The following SETD1A variants were observed in gnomAD, a reference collection of about 807,000 sequenced individuals.
The protein encoded by SETD1A is histone-lysine N-methyltransferase SETD1A.
SETD1A carries 29 observed loss-of-function variants against 149.9 expected under a neutral mutation model. That is an observed-to-expected ratio of 0.19 (90% confidence interval 0.14 to 0.26). The LOEUF (loss-of-function observed/expected upper bound fraction) is 0.26. Ranked by LOEUF, SETD1A falls within the 10% of genes least tolerant of loss-of-function variation. The pLI is 1.00. For synonymous variants in SETD1A, 1,141 were observed against 968.5 expected (o/e 1.18, Z -3.31); for missense variants, 2,109 against 2,353.1 (o/e 0.90, Z 2.15).
At chr16:30,973,104 C>CA (rs2056244653) in intron 13 of SETD1A, among the ~76,000 whole-genome samples, 2 of 152,088 alleles carry the variant, frequency 1.3e-5, no homozygotes, top group Admixed American at 1.3e-4. Flanking sequence ...GGGTTGAGCA[C>CA]AAGGGGGCAC....
intron 17 of SETD1A, among the ~76,000 whole-genome samples, 181 bp downstream of exon 17, chr16:30,981,361 C>T (rs1488371590): frequency 2.0e-5 from 3 of 152,198 alleles, no homozygotes; most frequent in African/African-American, 7.2e-5. Flanking sequence ...GGAGGCATGG[C>T]TGATGGCACT....
At chr16:30,971,801 A>T (rs766929423) in intron 13 of SETD1A, 82 bp downstream of exon 13, 151 of 1,456,074 alleles carry the variant, frequency 1.0e-4, no homozygotes, top group Non-Finnish European at 1.3e-4. Flanking sequence ...TTTATTGTGT[A>T]CAAGTGTGTG....
At chr16:30,968,945 A>C (rs558854447) in intron 10 of SETD1A, among the ~76,000 whole-genome samples, 2 of 152,146 alleles carry the variant, frequency 1.3e-5, no homozygotes, top group East Asian at 1.9e-4. Context: ...TCTCTACAAA[A>C]ATTTTTAAAA....
At chr16:30,973,844 C>T (rs1456447117) in intron 13 of SETD1A, among the ~76,000 whole-genome samples, 1 of 152,130 alleles carries the variant, frequency 6.6e-6, no homozygotes, top group East Asian at 1.9e-4. Context: ...ACTCTCCAAC[C>T]TCTTCTGGGC....
At position 30,983,972 on chromosome 16, in the gene SETD1A, C is replaced by G. The variant is rs749829442; in HGVS notation, c.5073C>G (p.Asn1691Lys). ...ACTACAAGTTCCCACTGGAAGACAA[C>G]AAGATCCCGTGTCTGTGTGGCACAG... ...TYDYKFPLED[N>K]KIPCLCGTES... The change falls in exon 19 of 19, where the codon AAC (asparagine) becomes AAG (lysine). Residue 1691 changes from asparagine (N) to lysine (K), a missense_variant. This residue lies in a region of SETD1A where 254 missense variants were observed against 409.3 expected (regional missense o/e 0.62). Transcript: ENST00000262519. The surrounding 1 kb of genome is among the most constrained non-coding windows in gnomAD (Gnocchi z 6.8). The G allele has an allele frequency of 2.2e-5, 35 of 1,614,026 alleles. No individual in the cohort carries two copies. Among genetic ancestry groups the G allele is most frequent in the African/African-American group, 2.7e-5 (2 of 74,938 alleles).
At chr16:30,978,879 T>C (rs1029498875) in intron 13 of SETD1A, among the ~76,000 whole-genome samples, 1 of 152,194 alleles carries the variant, frequency 6.6e-6, no homozygotes, top group Non-Finnish European at 1.5e-5. Flanking sequence ...TGTTGGACTG[T>C]GGCTCCGGGA....
intron 3 of SETD1A, among the ~76,000 whole-genome samples, chr16:30,960,311 A>G (rs2056032143): frequency 6.6e-6 from 1 of 152,156 alleles, no homozygotes; most frequent in South Asian, 2.1e-4. Flanking sequence ...CTCCGCCTTG[A>G]CACCACACCC....
chr16:30,982,858 C>T (rs746027681), intron 17 of SETD1A, among the ~76,000 whole-genome samples: 1 of 152,108 alleles, frequency 6.6e-6, no homozygotes, highest in South Asian at 2.1e-4. Flanking sequence ...GGGAGGCCCT[C>T]TCTCGGTGCT....
In SETD1A at chr16:30,979,899, A is replaced by AGAG. The variant is rs763341074; in HGVS notation, c.4123_4125dup (p.Glu1375dup). Reference sequence around the variant, plus strand: ...AGGAGGGGGAGGAAGAGGGGGAGGAAGAGGAGGAGGAGTCCTCTGACAGCA... The same window carrying AGAG: ...AGGAGGGGGAGGAAGAGGGGGAGGAAGAGGAGGAGGAGGAGTCCTCTGACAGCA... On this transcript the variant is annotated inframe_insertion, in exon 14 of 19. Transcript: ENST00000262519. 1.3e-6 allele frequency: 2 copies of AGAG among 1,534,336 alleles called. No homozygotes were observed. The highest frequency in any genetic ancestry group is 2.7e-5 in the African/African-American group (2 of 73,014).
rs1410521420 is a variant in SETD1A, at chr16:30,961,069, C to G, written c.247-198C>G. 6.6e-6 allele frequency among the ~76,000 whole-genome samples: 1 copy of G among 151,996 alleles called. No individual in the cohort carries two copies. Among genetic ancestry groups the G allele is most frequent in the South Asian group, 2.1e-4 (1 of 4,826 alleles). On this transcript the variant is annotated intron_variant, in intron 3 of 18. Transcript: ENST00000262519. The surrounding 1 kb of genome is among the most constrained non-coding windows in gnomAD (Gnocchi z 4.0). ...AGTTTGCACATTTCTGTTCTTAATTCTTGCTGTTATTCTGTGGTGAGAAGA... is the reference window on the plus strand; with the variant it reads ...AGTTTGCACATTTCTGTTCTTAATTGTTGCTGTTATTCTGTGGTGAGAAGA...
At chr16:30,970,267 A>ATT (rs34020035) in intron 12 of SETD1A, among the ~76,000 whole-genome samples, 9 of 117,792 alleles carry the variant, frequency 7.6e-5, no homozygotes, top group Admixed American at 8.8e-5. Flanking sequence ...CCACACCCAG[A>ATT]TTTTTTTTTT....
chr16:30,967,196 C>G (rs1052294477), intron 9 of SETD1A, 136 bp downstream of exon 9: 25 of 695,824 alleles, frequency 3.6e-5, no homozygotes, highest in Non-Finnish European at 5.4e-5. Context: ...CTCTGTTGCC[C>G]AGGCTGGAGT....
At position 30,966,090 on chromosome 16, in the gene SETD1A, C is replaced by A; in HGVS notation, c.2209C>A (p.Gln737Lys). ...GLPYALYAQG[Q>K]EGRGAYSREA... Reference sequence around the variant, plus strand: ...GCCGTATGCTCTATATGCACAGGGGCAGGAGGGCAGAGGGGCATACTCACG... The same window carrying A: ...GCCGTATGCTCTATATGCACAGGGGAAGGAGGGCAGAGGGGCATACTCACG... The change falls in exon 8 of 19, where the codon CAG (glutamine) becomes AAG (lysine). Residue 737 changes from glutamine to lysine, a missense_variant. Gln to Lys is a moderately conservative substitution (Grantham distance 53). Around this residue, in one of 8 missense-constraint regions of SETD1A, gnomAD observed 431 missense variants for 388.6 expected, o/e 1.11. Coordinates refer to ENST00000262519, the MANE Select transcript of SETD1A (RefSeq NM_014712.3). The A allele has an allele frequency of 6.3e-7, 1 of 1,591,890 alleles. No homozygotes were observed. Among genetic ancestry groups the A allele is most frequent in the Non-Finnish European group, 8.6e-7 (1 of 1,167,462 alleles).
At chr16:30,962,145 A>G (rs192196338) in intron 4 of SETD1A, among the ~76,000 whole-genome samples, 1 of 149,412 alleles carries the variant, frequency 6.7e-6, no homozygotes, top group African/African-American at 2.5e-5. Flanking sequence ...GCTCACTGCA[A>G]CCTCCACCTC....
chr16:30,969,566 C>T (rs774159423), intron 11 of SETD1A, 36 bp from the exon 12 acceptor site: 7 of 1,606,320 alleles, frequency 4.4e-6, no homozygotes, highest in African/African-American at 2.7e-5. Flanking sequence ...CCAGTTGTCC[C>T]CTTCCTGTTA....
intron 8 of SETD1A, among the ~76,000 whole-genome samples, chr16:30,966,623 T>A: frequency 6.6e-6 from 1 of 152,222 alleles, no homozygotes; most frequent in Non-Finnish European, 1.5e-5. Flanking sequence ...TGGCTTGCAG[T>A]GGACAAGGCC....
rs2056055090 is a variant in SETD1A, at chr16:30,961,765, A to C, written c.517+228A>C. 6.6e-6 allele frequency among the ~76,000 whole-genome samples: 1 copy of C among 151,580 alleles called. No individual in the cohort carries two copies. The highest frequency in any genetic ancestry group is 2.1e-4 in the South Asian group (1 of 4,710). ...ATAGGCCATAATCAAGCACATAACT[A>C]TCTGTAAAAAAAAAAAAAAATCATA... is the stretch of plus-strand genomic sequence containing the variant. On this transcript the variant is annotated intron_variant, in intron 4 of 18. Transcript: ENST00000262519. The surrounding 1 kb of genome is among the most constrained non-coding windows in gnomAD (Gnocchi z 4.0).
At chr16:30,971,748 C>G (rs371050040) in intron 13 of SETD1A, 29 bp downstream of exon 13, 2 of 1,527,576 alleles carry the variant, frequency 1.3e-6, no homozygotes, top group East Asian at 2.3e-5. Context: ...TCGGTTAGAT[C>G]GCTGTGTGTG....
At chr16:30,958,466 A>G (rs1380206910) in intron 1 of SETD1A, 3 of 454,304 alleles carry the variant, frequency 6.6e-6, no homozygotes, top group Non-Finnish European at 1.2e-5. Flanking sequence ...CGCGCTAGGG[A>G]GAGCGGGAAG....
Sources: allele counts gnomAD v4.1 joint callset (sites outside exome capture counted in the v4.1 genomes callset), GRCh38; gene constraint gnomAD v4.1.1; regional missense constraint gnomAD v4.1.1; non-coding constraint Gnocchi (gnomAD v3.1); transcripts MANE v1.5; gene names NCBI Gene and HGNC (gene_info 2026-07-23, HGNC 2026-07-21).